EIPR1: variants seen among roughly 807,000 people sequenced by gnomAD.
EIPR1 encodes the protein EARP complex and GARP complex interacting protein 1.
Under a neutral mutation model 48.1 loss-of-function variants are expected in EIPR1, and 25 were observed. The ratio of observed to expected loss-of-function variants is 0.52; its 90% CI spans 0.38 to 0.73. EIPR1 has a LOEUF of 0.73. EIPR1 is among the 30% of genes least tolerant of loss of function. The probability of loss-of-function intolerance (pLI) is 0.00; values close to 1 mark genes in which losing one functional copy is unlikely to be tolerated. For synonymous variants in EIPR1, 204 were observed against 201.9 expected, an observed-to-expected ratio of 1.01 and a Z score of -0.09; for missense variants, 415 against 506.2, an observed-to-expected ratio of 0.82 and a Z score of 1.73.
At chr2:3,246,783 G>A (rs1349424112) in intron 4 of EIPR1, among the ~76,000 whole-genome samples, 1 of 130,236 alleles carries the variant, frequency 7.7e-6, no homozygotes, top group African/African-American at 2.9e-5. Flanking sequence ...GAGAAAGGGA[G>A]AAACGGAGGG....
intron 3 of EIPR1, among the ~76,000 whole-genome samples, chr2:3,304,467 CA>C: frequency 2.7e-5 from 3 of 109,974 alleles, no homozygotes; most frequent in Non-Finnish European, 5.7e-5. Context: ...TTCAGCCCTC[CA>C]CTCCCGTCCA....
At chr2:3,240,106 ACC>A (rs1558244166) in intron 4 of EIPR1, among the ~76,000 whole-genome samples, 3 of 93,822 alleles carry the variant, frequency 3.2e-5, no homozygotes, top group Non-Finnish European at 6.7e-5. Context: ...AAGCCAGCAG[ACC>A]CTTCCTAAAG....
chr2:3,275,734 A>C (rs1413023376), intron 3 of EIPR1, among the ~76,000 whole-genome samples: 5 of 146,790 alleles, frequency 3.4e-5, no homozygotes, highest in Non-Finnish European at 6.0e-5. Context: ...ACAATAATAC[A>C]TCCTTGTGAG....
intron 3 of EIPR1, among the ~76,000 whole-genome samples, chr2:3,277,173 C>T (rs1667873702): frequency 6.8e-6 from 1 of 146,190 alleles, no homozygotes; most frequent in South Asian, 2.2e-4. Flanking sequence ...AATCCAGGAG[C>T]CTCTCCACCC....
At chr2:3,341,280 A>G (rs2103356319) in intron 2 of EIPR1, among the ~76,000 whole-genome samples, 1 of 152,210 alleles carries the variant, frequency 6.6e-6, no homozygotes, top group South Asian at 2.1e-4. Flanking sequence ...CCTCAGGCAA[A>G]ACCAACTGAG....
chr2:3,287,555 TAGAAAGCGCGTTCACCACGCTCC>T (rs1668234832), intron 3 of EIPR1, among the ~76,000 whole-genome samples: 1 of 117,918 alleles, frequency 8.5e-6, no homozygotes, highest in Non-Finnish European at 1.8e-5. Context: ...CACCACAATC[TAGAAAGCGCGTTCACCACGCTCC>T]AGAAAGCACG....
At position 3,353,565 on chromosome 2, in the gene EIPR1, T is replaced by C. The variant is rs530051676; in HGVS notation, c.126+985A>G. On this transcript the variant is annotated intron_variant, in intron 2 of 8. Coordinates refer to ENST00000382125, the MANE Select transcript of EIPR1 (RefSeq NM_003310.5). ...CAATTTCATATTGTTCAACCTAACA[T>C]TCACGCATTTTGATATTCTGATTGC... Among the ~76,000 whole-genome samples, 117 of 152,322 alleles carry C rather than the reference T, an allele frequency of 7.7e-4. 1 individual carries two copies. The highest frequency in any genetic ancestry group is 2.8e-3 in the African/African-American group (117 of 41,586).
intron 6 of EIPR1, among the ~76,000 whole-genome samples, chr2:3,196,268 G>T (rs1187571890): frequency 1.3e-5 from 2 of 152,202 alleles, no homozygotes; most frequent in South Asian, 4.1e-4. Flanking sequence ...GATAAATTAT[G>T]GTGTGCTGAG....
intron 4 of EIPR1, among the ~76,000 whole-genome samples, chr2:3,246,845 G>A (rs1186084764): frequency 5.2e-5 from 4 of 76,536 alleles, no homozygotes; most frequent in Non-Finnish European, 1.1e-4. Context: ...AGGAGGAAGG[G>A]AGGGAAGGAG....
At chr2:3,198,390 A>G (rs923061832) in intron 5 of EIPR1, among the ~76,000 whole-genome samples, 9 of 151,888 alleles carry the variant, frequency 5.9e-5, no homozygotes, top group African/African-American at 2.2e-4. Context: ...TCAGTGAGAG[A>G]CGCAGACACT....
At chr2:3,275,769 G>A (rs1477937083) in intron 3 of EIPR1, among the ~76,000 whole-genome samples, 2 of 151,650 alleles carry the variant, frequency 1.3e-5, no homozygotes, top group African/African-American at 4.8e-5. Flanking sequence ...GGCTAAATGT[G>A]AAAAGGCAAA....
rs187729681 is a variant in EIPR1, at chr2:3,242,199, G to A, written c.416+15100C>T. ...CACAGGCCCGGCAGCAGCCACTGAC[G>A]GCTGGAAGACAGAGATTTCAGGCCC... On this transcript the variant is annotated intron_variant, in intron 4 of 8. Coordinates refer to ENST00000382125, the MANE Select transcript of EIPR1 (RefSeq NM_003310.5). 3.5e-3 allele frequency among the ~76,000 whole-genome samples: 514 copies of A among 146,124 alleles called. 5 individuals are homozygous for A. Among genetic ancestry groups the A allele is most frequent in the African/African-American group, 0.012 (494 of 40,856 alleles).
chr2:3,243,617 G>A (rs914973103), intron 4 of EIPR1, among the ~76,000 whole-genome samples: 1 of 152,074 alleles, frequency 6.6e-6, no homozygotes, highest in African/African-American at 2.4e-5. Context: ...GGTGACAAGA[G>A]TAAGACTCCA....
chr2:3,374,298 C>A (rs2103396669), intron 1 of EIPR1, among the ~76,000 whole-genome samples: 1 of 152,214 alleles, frequency 6.6e-6, no homozygotes, highest in South Asian at 2.1e-4. Context: ...CTAGGCATTA[C>A]CATTCAGGAC....
At chr2:3,367,020 G>T (rs1309466500) in intron 1 of EIPR1, among the ~76,000 whole-genome samples, 1 of 151,586 alleles carries the variant, frequency 6.6e-6, no homozygotes, top group African/African-American at 2.4e-5. Flanking sequence ...ACTCCAGTCT[G>T]GGCCACACAG....
chr2:3,216,973 G>A (rs143837274), intron 4 of EIPR1, among the ~76,000 whole-genome samples: 39 of 152,312 alleles, frequency 2.6e-4, no homozygotes, highest in African/African-American at 9.1e-4. Context: ...GTGTTTCAAA[G>A]AGCAGCATCT....
intron 3 of EIPR1, among the ~76,000 whole-genome samples, chr2:3,258,380 C>T (rs1335763523): frequency 6.6e-6 from 1 of 152,192 alleles, no homozygotes; most frequent in East Asian, 1.9e-4. Flanking sequence ...ATGTGCTAAA[C>T]ACCTCTCCCT....
At chr2:3,222,456 A>G (rs754426510) in intron 4 of EIPR1, among the ~76,000 whole-genome samples, 23 of 152,278 alleles carry the variant, frequency 1.5e-4, no homozygotes, top group Non-Finnish European at 2.6e-4. Context: ...AGATCTATGA[A>G]GAAAAAATAT....
At chr2:3,328,708 C>T (rs375732179) in intron 3 of EIPR1, among the ~76,000 whole-genome samples, 4 of 126,556 alleles carry the variant, frequency 3.2e-5, no homozygotes, top group Non-Finnish European at 6.6e-5. Context: ...CCACCCACCA[C>T]GCTCTAATGA....
Sources: allele counts gnomAD v4.1 joint callset (sites outside exome capture counted in the v4.1 genomes callset), GRCh38; gene constraint gnomAD v4.1.1; transcripts MANE v1.5; gene names NCBI Gene and HGNC (gene_info 2026-07-23, HGNC 2026-07-21).